Variants in TTLL5 observed in about 807,000 individuals in gnomAD.
TTLL5 encodes tubulin polyglutamylase TTLL5.
Under a neutral mutation model 168.4 loss-of-function variants are expected in TTLL5, and 132 were observed. The observed-to-expected ratio is 0.78, with a 90% CI of 0.68 to 0.91. The LOEUF is 0.91. Ranked by LOEUF, TTLL5 falls within the 40% of genes least tolerant of loss-of-function variation. TTLL5 has a pLI of 0.00. For synonymous variants in TTLL5, 546 were observed against 558.6 expected (o/e 0.98, Z 0.32); for missense variants, 1,545 against 1,581.5 (o/e 0.98, Z 0.39).
chr14:75,803,707 A>G (rs530465505), intron 27 of TTLL5, among the ~76,000 whole-genome samples: 8 of 152,300 alleles, frequency 5.3e-5, no homozygotes, highest in Admixed American at 3.3e-4. Context: ...GGCTGGGGGC[A>G]GGAGAAGTGT....
At chr14:75,747,903 A>G (rs1218327589) in intron 17 of TTLL5, among the ~76,000 whole-genome samples, 1 of 152,224 alleles carries the variant, frequency 6.6e-6, no homozygotes, top group Admixed American at 6.5e-5. Flanking sequence ...GTCCCTCATG[A>G]TGATTTTTGA....
At chr14:75,704,588 T>G (rs1395357913) in intron 7 of TTLL5, among the ~76,000 whole-genome samples, 1 of 152,200 alleles carries the variant, frequency 6.6e-6, no homozygotes, top group East Asian at 1.9e-4. Flanking sequence ...GATTCCTACT[T>G]CAGCATTCTT....
At chr14:75,687,695 T>C (rs149879146) in intron 5 of TTLL5, among the ~76,000 whole-genome samples, 1 of 152,298 alleles carries the variant, frequency 6.6e-6, no homozygotes, top group African/African-American at 2.4e-5. Flanking sequence ...AAAGAATTTG[T>C]GTCCAGAATA....
intron 12 of TTLL5, chr14:75,727,707 C>A: frequency 3.0e-6 from 1 of 336,174 alleles, no homozygotes; most frequent in Non-Finnish European, 6.0e-6. Context: ...AAACAAAAAG[C>A]AATGATAGAT....
intron 4 of TTLL5, among the ~76,000 whole-genome samples, chr14:75,682,612 C>G (rs1304587749): frequency 2.0e-5 from 3 of 151,884 alleles, no homozygotes; most frequent in Non-Finnish European, 4.4e-5. Context: ...AGTCATTCTC[C>G]AAAGAAAGTT....
At position 75,757,657 on chromosome 14, in the gene TTLL5, T is replaced by C. The variant is rs570918240; in HGVS notation, c.1550+4702T>C. On this transcript the variant is annotated intron_variant, in intron 18 of 31. Transcript: ENST00000298832. ...CCCTCCAGCTCACAGCACTCTACTC[T>C]TTTATGAGAATGTTCTCAATTTATC... 1.5e-4 allele frequency among the ~76,000 whole-genome samples: 23 copies of C among 152,332 alleles called. No individual in the cohort carries two copies. The South Asian group carries it at 4.8e-3, about 32-fold the overall frequency.
At chr14:75,895,170 A>C (rs991280382) in intron 30 of TTLL5, among the ~76,000 whole-genome samples, 1 of 152,228 alleles carries the variant, frequency 6.6e-6, no homozygotes, top group Admixed American at 6.5e-5. Context: ...ATGATCTAAA[A>C]AAAGAAAAAA....
rs1240636005 is a variant in TTLL5, at chr14:75,764,715, G to A, written c.1651G>A (p.Val551Met). ...CGAGAGGAAGCTCCTGTCTCTGGAG[G>A]TGCGAAAACGTAGACGACGGAGTAG... is the stretch of plus-strand genomic sequence containing the variant. Reference protein sequence around the residue: ...LYERKLLSLEVRKRRRRSSRL... With the variant: ...LYERKLLSLEMRKRRRRSSRL... The change falls in exon 19 of 32, where the codon GTG becomes ATG. Residue 551 changes from valine (V) to methionine (M), a missense_variant. Val to Met is a conservative substitution (Grantham distance 21, BLOSUM62 1). Coordinates refer to ENST00000298832, the MANE Select transcript of TTLL5 (RefSeq NM_015072.5). The A allele has an allele frequency of 6.2e-7, 1 of 1,614,166 alleles. No homozygotes were observed. Among genetic ancestry groups the A allele is most frequent in the East Asian group, 2.2e-5 (1 of 44,884 alleles).
chr14:75,874,823 C>CGTGT (rs141459797), intron 29 of TTLL5, among the ~76,000 whole-genome samples: 1 of 148,282 alleles, frequency 6.7e-6, no homozygotes, highest in Admixed American at 6.7e-5. Flanking sequence ...TGTATATATG[C>CGTGT]GTGTGTGTGT....
chr14:75,673,197 G>T (rs1883878183), intron 3 of TTLL5, among the ~76,000 whole-genome samples: 1 of 152,122 alleles, frequency 6.6e-6, no homozygotes, highest in Admixed American at 6.5e-5. Context: ...AGTCCTCCCA[G>T]CTCAGTCTCC....
intron 28 of TTLL5, among the ~76,000 whole-genome samples, chr14:75,831,970 G>A (rs1248224752): frequency 6.6e-6 from 1 of 152,176 alleles, no homozygotes; most frequent in Non-Finnish European, 1.5e-5. Flanking sequence ...CAACGGAGGG[G>A]TAGAGTCCTC....
chr14:75,778,432 C>G (rs1162820860), intron 23 of TTLL5, among the ~76,000 whole-genome samples: 1 of 152,146 alleles, frequency 6.6e-6, no homozygotes, highest in East Asian at 1.9e-4. Flanking sequence ...CTTTGCCTTT[C>G]AGTATTCTGT....
Position 75,765,902 on chromosome 14 carries a change from T to C in TTLL5, c.1709-160T>C, listed in dbSNP as rs998642666. Among the ~76,000 whole-genome samples, 4 of 152,094 alleles carry C rather than the reference T, an allele frequency of 2.6e-5. No individual in the cohort carries two copies. In the East Asian group the frequency reaches 5.8e-4, roughly 22 times the overall value. On this transcript the variant is annotated intron_variant, in intron 19 of 31. Transcript: ENST00000298832. ...ATGAAAACAAAAATAAATAAAAGAA[T>C]ATATGAGATTAGAGAGTGACATGTG...
At chr14:75,721,594 A>G (rs535614374) in intron 12 of TTLL5, among the ~76,000 whole-genome samples, 2 of 152,274 alleles carry the variant, frequency 1.3e-5, no homozygotes, top group East Asian at 1.9e-4. Context: ...GTAACCATGT[A>G]TATCCATATC....
In TTLL5 at chr14:75,745,200, A is replaced by G. The variant is rs750413025; in HGVS notation, c.1387A>G (p.Met463Val). Residue 463 changes from methionine (M) to valine (V), a missense_variant, in exon 16 of 32, where the codon ATG (methionine) becomes GTG (valine). Physicochemically the swap from Met to Val is conservative, Grantham distance 21 (BLOSUM62 1). Transcript: ENST00000298832. The part of the protein sequence containing the change: ...KLGGSVLGLS[M>V]EEIKVLRRVK... The stretch of plus-strand genomic sequence containing the variant: ...GGGTGGTTCTGTGCTTGGTCTGTCA[A>G]TGGAGGAGGTAAAGATAAGTTCATT... 3.1e-6 allele frequency: 5 copies of G among 1,613,810 alleles called. No individual in the cohort carries two copies. The highest frequency in any genetic ancestry group is 2.2e-5 in the South Asian group (2 of 91,074).
intron 21 of TTLL5, among the ~76,000 whole-genome samples, chr14:75,775,005 T>C (rs1891631283): frequency 6.6e-6 from 1 of 151,946 alleles, no homozygotes; most frequent in Non-Finnish European, 1.5e-5. Flanking sequence ...CTCCTGGTTT[T>C]CTGTGTTTCT....
rs1231059038 is a variant in TTLL5 at position 75,759,147 on chromosome 14, T to A, written c.1551-5468T>A. Among the ~76,000 whole-genome samples the A allele has an allele frequency of 2.0e-5, 3 of 152,116 alleles. No homozygotes were observed. The East Asian group carries it at 5.8e-4, about 29-fold the overall frequency. Reference sequence around the variant, plus strand: ...AAAGAGAAAGGACACTAATTACCAATATCATCAGATAGAAAAGAGAGGATT... The same window carrying A: ...AAAGAGAAAGGACACTAATTACCAAAATCATCAGATAGAAAAGAGAGGATT... On this transcript the variant is annotated intron_variant, in intron 18 of 31. Transcript: ENST00000298832.
intron 31 of TTLL5, among the ~76,000 whole-genome samples, chr14:75,907,560 A>C (rs542974396): frequency 6.6e-6 from 1 of 152,240 alleles, no homozygotes. Flanking sequence ...AAGAGAGAGG[A>C]AAATTATTTA....
At chr14:75,906,988 T>A (rs1015643424) in intron 31 of TTLL5, among the ~76,000 whole-genome samples, 2 of 152,140 alleles carry the variant, frequency 1.3e-5, no homozygotes, top group African/African-American at 4.8e-5. Context: ...AAAACCATAA[T>A]TGAGTTATCA....
Sources: gnomAD v4.1 joint callset for allele counts (sites outside exome capture counted in the v4.1 genomes callset) on GRCh38, gnomAD v4.1.1 for gene constraint, MANE v1.5 for transcripts, NCBI Gene and HGNC (gene_info 2026-07-23, HGNC 2026-07-21) for gene names.